The following SPON1 variants were observed in gnomAD, a reference collection of about 807,000 sequenced individuals.
The protein encoded by SPON1 is spondin 1, also known as spondin-1.
A neutral mutation model predicts 111.7 loss-of-function variants in SPON1; 52 were observed. The ratio of observed to expected loss-of-function variants is 0.47; its 90% CI spans 0.37 to 0.59. SPON1 has a LOEUF of 0.59. Among genes scored for constraint, SPON1 ranks in the 20% least tolerant of loss-of-function variants. The probability of loss-of-function intolerance (pLI) is 0.00; values close to 1 mark genes in which losing one functional copy is unlikely to be tolerated. For synonymous variants in SPON1, 410 were observed against 395.8 expected (o/e 1.04, Z -0.43); for missense variants, 957 against 1,068.5 (o/e 0.90, Z 1.46).
intron 2 of SPON1, among the ~76,000 whole-genome samples, chr11:14,018,844 G>A (rs1554914544): frequency 6.6e-6 from 1 of 152,188 alleles, no homozygotes; most frequent in Non-Finnish European, 1.5e-5. Context: ...GAGGTTTTAG[G>A]ATGGTTGAAA....
intron 5 of SPON1, among the ~76,000 whole-genome samples, chr11:14,090,199 GA>G (rs3047374): frequency 0.42 from 47,043 of 112,708 alleles, 9,062 homozygotes; most frequent in Middle Eastern, 0.51. Flanking sequence ...ACTAGGGTAT[GA>G]AAAAAAAAAA....
intron 5 of SPON1, among the ~76,000 whole-genome samples, chr11:14,132,259 C>T (rs900709603): frequency 2.7e-5 from 4 of 150,810 alleles, no homozygotes; most frequent in African/African-American, 9.8e-5. Context: ...GCCCAGGCAA[C>T]AGTACAAGAC....
At chr11:14,085,419 CT>C (rs1325639760) in intron 5 of SPON1, among the ~76,000 whole-genome samples, 4 of 151,106 alleles carry the variant, frequency 2.6e-5, no homozygotes, top group African/African-American at 7.3e-5. Flanking sequence ...TTCCCCACTG[CT>C]TTTTTTTTGT....
intron 6 of SPON1, among the ~76,000 whole-genome samples, chr11:14,242,505 C>T (rs1317667047): frequency 6.6e-6 from 1 of 152,170 alleles, no homozygotes; most frequent in East Asian, 1.9e-4. Flanking sequence ...GGGAAAGCCC[C>T]CCACCAGAGC....
intron 6 of SPON1, among the ~76,000 whole-genome samples, chr11:14,203,684 A>G (rs1848486659): frequency 6.6e-6 from 1 of 152,194 alleles, no homozygotes; most frequent in Admixed American, 6.5e-5. Flanking sequence ...CCATTGGCTG[A>G]AAGATAAGAT....
intron 5 of SPON1, among the ~76,000 whole-genome samples, chr11:14,111,349 G>A (rs1849225283): frequency 6.6e-6 from 1 of 152,124 alleles, no homozygotes; most frequent in Admixed American, 6.6e-5. Flanking sequence ...CTCAAGAAAG[G>A]CATTAGAGTT....
intron 2 of SPON1, among the ~76,000 whole-genome samples, chr11:13,992,476 G>A (rs1272684061): frequency 6.6e-6 from 1 of 152,200 alleles, no homozygotes; most frequent in Non-Finnish European, 1.5e-5. Context: ...TCAAGCCAGT[G>A]GATCTTAGTT....
chr11:14,013,534 G>T (rs1848421457), intron 2 of SPON1, among the ~76,000 whole-genome samples: 1 of 152,170 alleles, frequency 6.6e-6, no homozygotes, highest in South Asian at 2.1e-4. Flanking sequence ...ATGGGTTTGT[G>T]GCTGCAATTG....
At chr11:14,057,473 A>T (rs993282653) in intron 3 of SPON1, among the ~76,000 whole-genome samples, 7 of 152,222 alleles carry the variant, frequency 4.6e-5, no homozygotes, top group Non-Finnish European at 8.8e-5. Flanking sequence ...CTGCAACAGA[A>T]CAATTGTTGA....
At chr11:14,177,570 G>A (rs1425356344) in intron 6 of SPON1, among the ~76,000 whole-genome samples, 2 of 152,162 alleles carry the variant, frequency 1.3e-5, no homozygotes, top group Non-Finnish European at 2.9e-5. Context: ...AGCAGTTTAG[G>A]GAGGGTCAGA....
intron 3 of SPON1, among the ~76,000 whole-genome samples, chr11:14,063,887 A>G (rs1554920129): frequency 6.6e-6 from 1 of 152,232 alleles, no homozygotes; most frequent in East Asian, 1.9e-4. Context: ...GTCAAAACAC[A>G]GAAGGCATAA....
intron 3 of SPON1, among the ~76,000 whole-genome samples, chr11:14,061,558 C>G (rs1848791100): frequency 6.6e-6 from 1 of 152,214 alleles, no homozygotes; most frequent in African/African-American, 2.4e-5. Context: ...AACAATATAT[C>G]ACTTCCAGTA....
intron 3 of SPON1, among the ~76,000 whole-genome samples, chr11:14,062,022 C>T (rs1182061767): frequency 2.6e-5 from 4 of 152,152 alleles, no homozygotes; most frequent in East Asian, 1.9e-4. Context: ...CTAGTTACAT[C>T]GTCACATCAG....
intron 6 of SPON1, among the ~76,000 whole-genome samples, chr11:14,139,640 C>T (rs1427635928): frequency 1.3e-5 from 2 of 151,526 alleles, no homozygotes; most frequent in Admixed American, 1.3e-4. Context: ...GGAGATGCAG[C>T]AGTAATTAAG....
chr11:14,214,166 C>A (rs1331368391), intron 6 of SPON1, among the ~76,000 whole-genome samples: 1 of 152,164 alleles, frequency 6.6e-6, no homozygotes, highest in Non-Finnish European at 1.5e-5. Context: ...TAAGTTTTAG[C>A]CTTTCACTCC....
chr11:14,133,274 A>G (rs1554927718), intron 5 of SPON1, among the ~76,000 whole-genome samples: 1 of 152,214 alleles, frequency 6.6e-6, no homozygotes, highest in African/African-American at 2.4e-5. Flanking sequence ...TGCTTCTGGA[A>G]ACATATACTG....
intron 2 of SPON1, among the ~76,000 whole-genome samples, chr11:13,990,662 A>G (rs1554911047): frequency 1.3e-5 from 2 of 152,060 alleles, no homozygotes; most frequent in South Asian, 2.1e-4. Context: ...GTTTCTTCAT[A>G]GTGTCGATAT....
intron 5 of SPON1, among the ~76,000 whole-genome samples, chr11:14,114,190 T>C (rs1044320134): frequency 6.6e-6 from 1 of 152,194 alleles, no homozygotes; most frequent in Non-Finnish European, 1.5e-5. Flanking sequence ...CCATCCCCAC[T>C]TCCCTTCTGT....
chr11:13,967,487 T>G (rs1330785553), intron 1 of SPON1, among the ~76,000 whole-genome samples: 1 of 151,892 alleles, frequency 6.6e-6, no homozygotes, highest in Non-Finnish European at 1.5e-5. Context: ...CCAATTCCTT[T>G]TGTTTGTGGG....
Sources: allele counts gnomAD v4.1 joint callset (sites outside exome capture counted in the v4.1 genomes callset), GRCh38; gene constraint gnomAD v4.1.1; transcripts MANE v1.5; gene names NCBI Gene and HGNC (gene_info 2026-07-23, HGNC 2026-07-21).